ESRRG: variants seen among roughly 807,000 people sequenced by gnomAD.
ESRRG encodes estrogen related receptor gamma.
In ESRRG, 13 loss-of-function variants were observed where a neutral mutation model predicts 44.0. That is an observed-to-expected ratio of 0.30 (90% CI 0.19 to 0.47). ESRRG has a LOEUF of 0.47. Among genes scored for constraint, ESRRG ranks in the 20% least tolerant of loss-of-function variants. The probability of loss-of-function intolerance (pLI) is 1.00; values close to 1 mark genes in which losing one functional copy is unlikely to be tolerated. For missense variants in ESRRG, 395 were observed against 580.6 expected, an observed-to-expected ratio of 0.68 and a Z score of 3.29; for synonymous variants, 215 against 214.6, an observed-to-expected ratio of 1.00 and a Z score of -0.02.
rs10158542 is a variant in ESRRG, at chr1:216,798,632, G to A, written c.-13-121141C>T. ...ATATAGGTAGTAAGAGTGGATGTAG[G>A]ATGACTGGTTAGGAGGCCTTTGCAG... On this transcript the variant is annotated intron_variant, in intron 2 of 7. Coordinates refer to the ESRRG transcript ENST00000359162. Among the ~76,000 whole-genome samples, 1,096 of 152,258 alleles carry A rather than the reference G, an allele frequency of 7.2e-3. 14 individuals are homozygous for A. The highest frequency in any genetic ancestry group is 0.024 in the African/African-American group (999 of 41,560).
At chr1:216,848,355 T>C (rs1249292435) in intron 2 of ESRRG, among the ~76,000 whole-genome samples, 12 of 142,130 alleles carry the variant, frequency 8.4e-5, no homozygotes. Flanking sequence ...AATGTCTGGC[T>C]TGTGCTCAGC....
chr1:216,927,589 C>T (rs563101138), intron 2 of ESRRG, among the ~76,000 whole-genome samples: 1 of 152,338 alleles, frequency 6.6e-6, no homozygotes, highest in African/African-American at 2.4e-5. Context: ...AATCTTAGGG[C>T]CAGCCATATC....
chr1:217,052,916 T>A (rs2086311468), intron 1 of ESRRG, among the ~76,000 whole-genome samples: 1 of 152,044 alleles, frequency 6.6e-6, no homozygotes, highest in Non-Finnish European at 1.5e-5. Flanking sequence ...GGAGCTTTGA[T>A]GAAAATAAAT....
intron 5 of ESRRG, among the ~76,000 whole-genome samples, chr1:216,558,930 C>T (rs138321698): frequency 0.021 from 3,116 of 151,898 alleles, 115 homozygotes; most frequent in African/African-American, 0.072. Context: ...AGTGCAGTGA[C>T]GTGATCCGGG....
chr1:217,107,495 C>A (rs1314050504), intron 1 of ESRRG, among the ~76,000 whole-genome samples: 1 of 152,170 alleles, frequency 6.6e-6, no homozygotes, highest in Non-Finnish European at 1.5e-5. Context: ...TTTTTCCCCC[C>A]TGGGGTTAGT....
rs1242452645 is a variant in ESRRG at position 216,779,327 on chromosome 1, ATATATT to A, written c.-13-101842_-13-101837del. Among the ~76,000 whole-genome samples the A allele has an allele frequency of 6.7e-5, 6 of 89,178 alleles. 1 individual carries two copies. The highest frequency in any genetic ancestry group is 2.8e-4 in the African/African-American group (6 of 21,486). The allele number at this position is 89,178 out of a possible 152,430, so 58.5% of individuals were successfully genotyped here. A position where few individuals can be genotyped will look rare whatever the true frequency, so the allele number is the denominator to read the frequency against. ...AAACATTATATTTATAAATATAAAT[ATATATT>A]TATATTTATAAACATAAAATATTTA... On this transcript the variant is annotated intron_variant, in intron 2 of 7. Coordinates refer to the ESRRG transcript ENST00000359162.
At chr1:216,688,043 G>A (rs2078346384) in intron 1 of ESRRG, among the ~76,000 whole-genome samples, 1 of 151,862 alleles carries the variant, frequency 6.6e-6, no homozygotes, top group African/African-American at 2.4e-5. Context: ...AATATGCATG[G>A]GTGAAAAGGG....
At chr1:216,659,991 GT>G (rs2071842837) in intron 2 of ESRRG, among the ~76,000 whole-genome samples, 1 of 152,090 alleles carries the variant, frequency 6.6e-6, no homozygotes, top group Non-Finnish European at 1.5e-5. Flanking sequence ...CCATTTTAGT[GT>G]TTAGCTTCAA....
chr1:216,751,590 T>C (rs2092010650), intron 2 of ESRRG, among the ~76,000 whole-genome samples: 1 of 151,990 alleles, frequency 6.6e-6, no homozygotes, highest in Non-Finnish European at 1.5e-5. Flanking sequence ...TCTTTTCCCT[T>C]TTTTTCCTCC....
chr1:217,108,727 T>A (rs536263636), intron 1 of ESRRG, among the ~76,000 whole-genome samples: 1 of 152,178 alleles, frequency 6.6e-6, no homozygotes, highest in South Asian at 2.1e-4. Flanking sequence ...TGATTGTAAG[T>A]TTCCTGAGAC....
At chr1:216,860,561 T>C (rs2149090741) in intron 2 of ESRRG, among the ~76,000 whole-genome samples, 1 of 152,168 alleles carries the variant, frequency 6.6e-6, no homozygotes, top group East Asian at 1.9e-4. Flanking sequence ...GATTTCTCAT[T>C]GGAAAGAGTG....
At chr1:217,000,137 T>C (rs1011067417) in intron 1 of ESRRG, 1 of 152,240 alleles carries the variant, frequency 6.6e-6, no homozygotes, top group African/African-American at 2.4e-5. Flanking sequence ...TTCATCTGAA[T>C]GCTGCTTAAT....
intron 1 of ESRRG, among the ~76,000 whole-genome samples, chr1:216,695,039 C>G (rs926786151): frequency 2.0e-5 from 3 of 151,802 alleles, no homozygotes; most frequent in African/African-American, 7.3e-5. Flanking sequence ...GAAGATAAAT[C>G]ATGAGGAAAA....
intron 5 of ESRRG, among the ~76,000 whole-genome samples, chr1:216,524,986 A>G (rs969280412): frequency 2.0e-5 from 3 of 152,190 alleles, no homozygotes; most frequent in Admixed American, 2.0e-4. Context: ...TGATTACATA[A>G]ACAACCAAAT....
At chr1:216,951,868 A>T (rs2150079954) in intron 1 of ESRRG, among the ~76,000 whole-genome samples, 1 of 150,878 alleles carries the variant, frequency 6.6e-6, no homozygotes, top group East Asian at 1.9e-4. Context: ...ACATATACAC[A>T]TACTATATAT....
intron 2 of ESRRG, among the ~76,000 whole-genome samples, chr1:216,860,198 G>A (rs916332820): frequency 3.3e-5 from 5 of 152,180 alleles, no homozygotes; most frequent in African/African-American, 9.6e-5. Flanking sequence ...CTGGGAGGCA[G>A]TGTTGCAGTG....
intron 1 of ESRRG, among the ~76,000 whole-genome samples, chr1:217,002,311 AAAAGAAAGAAAGAAAAAAAAAAAAG>A (rs1298296809): frequency 8.0e-6 from 1 of 124,664 alleles, no homozygotes; most frequent in Non-Finnish European, 1.6e-5. Flanking sequence ...AAAAAAAAAA[AAAAGAAAGAAAGAAAAAAAAAAAAG>A]AAAGAAAGAA....
intron 1 of ESRRG, among the ~76,000 whole-genome samples, chr1:216,679,041 G>A (rs953959031): frequency 4.6e-5 from 7 of 152,168 alleles, no homozygotes; most frequent in Non-Finnish European, 8.8e-5. Context: ...GGCAAGATTT[G>A]CCTCTTACCA....
At chr1:216,983,244 T>A (rs2150409616) in intron 1 of ESRRG, among the ~76,000 whole-genome samples, 1 of 152,118 alleles carries the variant, frequency 6.6e-6, no homozygotes, top group East Asian at 1.9e-4. Context: ...TTTTTATTTT[T>A]TTTTTGAGAC....
Sources: allele counts gnomAD v4.1 joint callset (sites outside exome capture counted in the v4.1 genomes callset), GRCh38; gene constraint gnomAD v4.1.1; transcripts MANE v1.5; gene names NCBI Gene and HGNC (gene_info 2026-07-23, HGNC 2026-07-21).